The following KCNQ5 variants were observed in gnomAD, a reference collection of about 807,000 sequenced individuals.
The protein encoded by KCNQ5 is potassium voltage-gated channel subfamily Q member 5.
A neutral mutation model predicts 98.2 loss-of-function variants in KCNQ5; 30 were observed. The ratio of observed to expected loss-of-function variants is 0.31; its 90% CI spans 0.23 to 0.41. The LOEUF is 0.41. Ranked by LOEUF, KCNQ5 falls within the 10% of genes least tolerant of loss-of-function variation. KCNQ5 has a pLI of 1.00. For missense variants in KCNQ5, 835 were observed against 1,182.5 expected (o/e 0.71, Z 4.31); for synonymous variants, 458 against 449.4 (o/e 1.02, Z -0.24).
intron 1 of KCNQ5, among the ~76,000 whole-genome samples, chr6:72,623,298 C>T (rs918496263): frequency 2.0e-5 from 3 of 152,006 alleles, no homozygotes; most frequent in African/African-American, 7.3e-5. Context: ...CGCAGGAACG[C>T]GGGCGGAGGT....
chr6:73,014,637 T>C (rs1770233872), intron 2 of KCNQ5, among the ~76,000 whole-genome samples: 3 of 152,206 alleles, frequency 2.0e-5, no homozygotes, highest in South Asian at 4.1e-4. Context: ...TGCTCCTGAA[T>C]TGTGTACAAA....
intron 1 of KCNQ5, among the ~76,000 whole-genome samples, chr6:72,736,498 A>ATATCTTTTT (rs1770840516): frequency 1.8e-4 from 20 of 112,690 alleles, no homozygotes; most frequent in Admixed American, 9.7e-5. Context: ...GTAAAAAAAG[A>ATATCTTTTT]TTTCTTTTTT....
intron 5 of KCNQ5, among the ~76,000 whole-genome samples, chr6:73,082,959 T>C (rs1206731950): frequency 1.3e-5 from 2 of 148,484 alleles, no homozygotes; most frequent in African/African-American, 5.0e-5. Context: ...GGTGCATTTA[T>C]AGCTCGCTGC....
intron 1 of KCNQ5, among the ~76,000 whole-genome samples, chr6:72,790,118 T>C (rs2154478218): frequency 6.6e-6 from 1 of 152,364 alleles, no homozygotes; most frequent in African/African-American, 2.4e-5. Flanking sequence ...ATATTAACAA[T>C]TTCTTAAAGC....
At chr6:72,638,262 T>G (rs765626526) in intron 1 of KCNQ5, among the ~76,000 whole-genome samples, 8 of 152,154 alleles carry the variant, frequency 5.3e-5, no homozygotes, top group Non-Finnish European at 1.2e-4. Context: ...AAGTTAGAGT[T>G]TCACAGTATC....
At chr6:72,764,319 G>A (rs1044136615) in intron 1 of KCNQ5, among the ~76,000 whole-genome samples, 1 of 151,908 alleles carries the variant, frequency 6.6e-6, no homozygotes, top group African/African-American at 2.4e-5. Flanking sequence ...AACCCACTAG[G>A]TAGAAATTGG....
At chr6:73,110,987 A>C (rs1775221245) in intron 6 of KCNQ5, among the ~76,000 whole-genome samples, 1 of 151,918 alleles carries the variant, frequency 6.6e-6, no homozygotes, top group African/African-American at 2.4e-5. Context: ...AGAAGGCCAC[A>C]CACACACAAA....
At chr6:72,914,847 T>C (rs1780069854) in intron 1 of KCNQ5, among the ~76,000 whole-genome samples, 2 of 151,856 alleles carry the variant, frequency 1.3e-5, no homozygotes, top group Middle Eastern at 3.2e-3. Context: ...TAATGTATTA[T>C]ACCTGGGGTG....
At chr6:72,696,314 C>G (rs532457933) in intron 1 of KCNQ5, among the ~76,000 whole-genome samples, 9 of 152,220 alleles carry the variant, frequency 5.9e-5, no homozygotes, top group African/African-American at 2.2e-4. Context: ...GAAAAATTGT[C>G]AAACTATTAA....
At chr6:72,807,525 T>C in intron 1 of KCNQ5, among the ~76,000 whole-genome samples, 1 of 152,240 alleles carries the variant, frequency 6.6e-6, no homozygotes, top group Non-Finnish European at 1.5e-5. Flanking sequence ...ATTATTTGTT[T>C]TAGTGACAGA....
intron 3 of KCNQ5, among the ~76,000 whole-genome samples, chr6:73,046,395 G>T (rs1410941944): frequency 6.6e-6 from 1 of 151,984 alleles, no homozygotes; most frequent in Admixed American, 6.6e-5. Context: ...TGATTAACTG[G>T]ACCATCTGAG....
At chr6:72,998,824 A>G (rs908366199) in intron 1 of KCNQ5, among the ~76,000 whole-genome samples, 3 of 150,210 alleles carry the variant, frequency 2.0e-5, no homozygotes, top group African/African-American at 7.3e-5. Flanking sequence ...GCCATGGAAC[A>G]CTTACAGTCT....
At chr6:73,016,197 G>A (rs1195830341) in intron 2 of KCNQ5, among the ~76,000 whole-genome samples, 1 of 152,154 alleles carries the variant, frequency 6.6e-6, no homozygotes, top group African/African-American at 2.4e-5. Flanking sequence ...CCACTGAAAT[G>A]GGTGGCAGAG....
intron 1 of KCNQ5, among the ~76,000 whole-genome samples, chr6:72,770,037 A>T (rs948109158): frequency 3.9e-5 from 6 of 152,128 alleles, no homozygotes; most frequent in African/African-American, 1.4e-4. Flanking sequence ...CTGTAAAAAC[A>T]GAGTCCACAG....
intron 1 of KCNQ5, among the ~76,000 whole-genome samples, chr6:72,798,281 T>G (rs1774445991): frequency 6.6e-6 from 1 of 152,204 alleles, no homozygotes; most frequent in African/African-American, 2.4e-5. Flanking sequence ...AAGCTGGTAT[T>G]ATGGTTTGAA....
Position 73,159,915 on chromosome 6 carries a change from A to G in KCNQ5, c.1469-9831A>G, listed in dbSNP as rs544160191. Reference sequence around the variant, plus strand: ...ATCAAAGCTGCCAGCTCTCTCCTTTATAATTTCTTCTATTGCCCCAAATGT... The same window carrying G: ...ATCAAAGCTGCCAGCTCTCTCCTTTGTAATTTCTTCTATTGCCCCAAATGT... On this transcript the variant is annotated intron_variant, in intron 10 of 13. Coordinates refer to ENST00000370398, the MANE Select transcript of KCNQ5 (RefSeq NM_019842.4). Among the ~76,000 whole-genome samples, 5 of 152,256 alleles carry G rather than the reference A, an allele frequency of 3.3e-5. No individual in the cohort carries two copies. The South Asian group carries it at 1.0e-3, about 32-fold the overall frequency.
At chr6:73,016,437 G>A (rs1177114727) in intron 2 of KCNQ5, among the ~76,000 whole-genome samples, 7 of 152,078 alleles carry the variant, frequency 4.6e-5, no homozygotes, top group Admixed American at 1.3e-4. Flanking sequence ...CTGACTCAGT[G>A]ACACCACTTA....
chr6:72,833,567 G>T (rs1268138230), intron 1 of KCNQ5, among the ~76,000 whole-genome samples: 1 of 151,842 alleles, frequency 6.6e-6, no homozygotes, highest in African/African-American at 2.4e-5. Flanking sequence ...AATATGTGTG[G>T]GTATCTTTAG....
rs376900191 is a variant in KCNQ5 at position 73,177,661 on chromosome 6, A to C, written c.1577+7807A>C. Among the ~76,000 whole-genome samples, 3 of 152,204 alleles carry C rather than the reference A, an allele frequency of 2.0e-5. No homozygotes were observed. In the South Asian group the frequency reaches 6.2e-4, roughly 32 times the overall value. On this transcript the variant is annotated intron_variant, in intron 11 of 13. Transcript: ENST00000370398. Reference sequence around the variant, plus strand: ...ATCTACAAGCTGTTTAATCATCACCAGTTCTTAATTTTGCTGATGGCATCT... The same window carrying C: ...ATCTACAAGCTGTTTAATCATCACCCGTTCTTAATTTTGCTGATGGCATCT...
Sources: gnomAD v4.1 joint callset for allele counts (sites outside exome capture counted in the v4.1 genomes callset) on GRCh38, gnomAD v4.1.1 for gene constraint, MANE v1.5 for transcripts, NCBI Gene and HGNC (gene_info 2026-07-23, HGNC 2026-07-21) for gene names.